The following EFCAB5 variants were observed in gnomAD, a reference collection of about 807,000 sequenced individuals.
The protein encoded by EFCAB5 is EF-hand calcium binding domain 5.
In EFCAB5, 131 loss-of-function variants were observed where a neutral mutation model predicts 167.9. The ratio of observed to expected loss-of-function variants is 0.78; its 90% CI spans 0.68 to 0.90. EFCAB5 has a LOEUF of 0.90. EFCAB5 is among the 40% of genes least tolerant of loss of function. EFCAB5 has a pLI of 0.00. For missense variants in EFCAB5, 1,663 were observed against 1,745.2 expected, an observed-to-expected ratio of 0.95 and a Z score of 0.84; for synonymous variants, 574 against 602.8, an observed-to-expected ratio of 0.95 and a Z score of 0.70.
Position 30,059,613 on chromosome 17 carries a change from T to C in EFCAB5, c.2649T>C (p.Ser883=), listed in dbSNP as rs530563180. The C allele has an allele frequency of 3.1e-6, 5 of 1,612,214 alleles. No individual in the cohort carries two copies. The highest frequency in any genetic ancestry group is 1.3e-5 in the African/African-American group (1 of 75,024). The change falls in exon 14 of 23, where the codon AGT becomes AGC. Residue 883 remains serine (S), a synonymous_variant. Transcript: ENST00000394835. ...AAGCCATCTTTCAGAAGTGGGACAG[T>C]GATGGCTCAGGCTTCCTGGATCTGA... ...LLEAIFQKWD[S]DGSGFLDLKE...
At chr17:29,945,375 CTA>C (rs2151521552) in intron 3 of EFCAB5, among the ~76,000 whole-genome samples, 1 of 151,286 alleles carries the variant, frequency 6.6e-6, no homozygotes, top group East Asian at 1.9e-4. Flanking sequence ...TAATTATTTA[CTA>C]TTTCTTCCTA....
chr17:30,088,304 A>T (rs114867007), intron 19 of EFCAB5, among the ~76,000 whole-genome samples: 2,507 of 152,050 alleles, frequency 0.016, 54 homozygotes, highest in African/African-American at 0.054. Flanking sequence ...TTTTTTTTTA[A>T]GAGACAGGGT....
chr17:30,027,811 G>T (rs945142614), intron 7 of EFCAB5, among the ~76,000 whole-genome samples: 3 of 152,098 alleles, frequency 2.0e-5, no homozygotes, highest in Non-Finnish European at 4.4e-5. Flanking sequence ...TTATTGTGGC[G>T]ACTCTAGCCC....
At chr17:29,947,700 T>C (rs1032079482) in intron 3 of EFCAB5, among the ~76,000 whole-genome samples, 17 of 152,244 alleles carry the variant, frequency 1.1e-4, no homozygotes, top group Non-Finnish European at 2.2e-4. Context: ...CTCTTCTACC[T>C]GTCCCCACCT....
At chr17:30,105,181 C>T (rs1431771011) in intron 22 of EFCAB5, among the ~76,000 whole-genome samples, 1 of 152,042 alleles carries the variant, frequency 6.6e-6, no homozygotes, top group Non-Finnish European at 1.5e-5. Flanking sequence ...GCAGGGTTTC[C>T]AGGAAACTAA....
At chr17:30,076,081 T>C (rs2070862196) in intron 14 of EFCAB5, among the ~76,000 whole-genome samples, 1 of 152,168 alleles carries the variant, frequency 6.6e-6, no homozygotes, top group Admixed American at 6.6e-5. Flanking sequence ...ACAACTAGAT[T>C]TGGGAGTCCA....
chr17:29,944,329 T>A (rs1400994737), intron 3 of EFCAB5, among the ~76,000 whole-genome samples: 1 of 152,102 alleles, frequency 6.6e-6, no homozygotes, highest in East Asian at 1.9e-4. Context: ...GATCCTCCTG[T>A]CTCAGCCTCC....
intron 14 of EFCAB5, chr17:30,065,663 A>AAAAG (rs1348319310): frequency 1.3e-5 from 2 of 152,270 alleles, no homozygotes; most frequent in South Asian, 2.1e-4. Flanking sequence ...TCTGTCTCAA[A>AAAAG]AAAGAAAGAA....
intron 22 of EFCAB5, among the ~76,000 whole-genome samples, chr17:30,094,345 A>C (rs1355563108): frequency 1.3e-5 from 2 of 151,866 alleles, no homozygotes. Context: ...TAAAACTTAC[A>C]GTATAATAAT....
At chr17:30,033,323 C>T (rs2069530011) in intron 7 of EFCAB5, among the ~76,000 whole-genome samples, 1 of 152,086 alleles carries the variant, frequency 6.6e-6, no homozygotes, top group African/African-American at 2.4e-5. Context: ...TGTGATCCGC[C>T]CGCCTCGGCC....
rs1403581742 is a variant in EFCAB5 at position 30,059,632 on chromosome 17, G to A, written c.2668G>A (p.Asp890Asn). The change falls in exon 14 of 23, where the codon GAT becomes AAT. Residue 890 changes from aspartate to asparagine, a missense_variant. Physicochemically the swap from Asp to Asn is conservative, Grantham distance 23. Coordinates refer to ENST00000394835, the MANE Select transcript of EFCAB5 (RefSeq NM_198529.4). ...KWDSDGSGFL[D>N]LKEVDELLYT... Reference sequence around the variant, plus strand: ...GGACAGTGATGGCTCAGGCTTCCTGGATCTGAAGGAAGTTGATGAACTCTT... The same window carrying A: ...GGACAGTGATGGCTCAGGCTTCCTGAATCTGAAGGAAGTTGATGAACTCTT... The A allele has an allele frequency of 1.2e-6, 2 of 1,612,858 alleles. No individual in the cohort carries two copies. Among genetic ancestry groups the A allele is most frequent in the Non-Finnish European group, 1.7e-6 (2 of 1,179,082 alleles).
chr17:30,071,391 A>G (rs2070733545), intron 14 of EFCAB5, among the ~76,000 whole-genome samples: 1 of 150,888 alleles, frequency 6.6e-6, no homozygotes, highest in South Asian at 2.1e-4. Context: ...GCCAACAGGT[A>G]TTTGAAAAAA....
intron 14 of EFCAB5, among the ~76,000 whole-genome samples, chr17:30,064,023 C>T (rs1366178213): frequency 6.6e-6 from 1 of 152,074 alleles, no homozygotes; most frequent in African/African-American, 2.4e-5. Flanking sequence ...TGAAAATCTT[C>T]CTCTATAAAA....
intron 3 of EFCAB5, among the ~76,000 whole-genome samples, chr17:29,953,022 C>T (rs536322495): frequency 8.5e-5 from 13 of 152,164 alleles, no homozygotes; most frequent in South Asian, 4.1e-4. Context: ...TTAAAAATAG[C>T]GAGTTTACCT....
chr17:30,028,051 A>G (rs2069379111), intron 7 of EFCAB5, among the ~76,000 whole-genome samples: 1 of 152,198 alleles, frequency 6.6e-6, no homozygotes, highest in African/African-American at 2.4e-5. Context: ...ATTCTGCTAC[A>G]CGGAGGAACT....
chr17:30,025,323 A>G (rs1040267123), intron 7 of EFCAB5, among the ~76,000 whole-genome samples: 1 of 152,158 alleles, frequency 6.6e-6, no homozygotes, highest in Non-Finnish European at 1.5e-5. Flanking sequence ...AATTTACAAG[A>G]AAAAAACAAA....
At chr17:29,973,902 A>T (rs1215368793) in intron 4 of EFCAB5, among the ~76,000 whole-genome samples, 1 of 151,910 alleles carries the variant, frequency 6.6e-6, no homozygotes. Flanking sequence ...TCAAGCCTGT[A>T]ATCCCAGGAC....
chr17:30,056,158 T>C lies in EFCAB5; in HGVS notation c.2365+2T>C. The C allele has an allele frequency of 6.2e-7, 1 of 1,604,580 alleles. No homozygotes were observed. ...TCTATGGTAACTCCAGGTTCACAGG[T>C]ACATGTTAACAATGAAAGTAGGAAT... On this transcript the variant is annotated splice_donor_variant, in intron 12 of 22. Coordinates refer to ENST00000394835, the MANE Select transcript of EFCAB5 (RefSeq NM_198529.4). LOFTEE classifies it high-confidence loss of function.
At chr17:30,025,938 A>G (rs1363801921) in intron 7 of EFCAB5, among the ~76,000 whole-genome samples, 1 of 151,308 alleles carries the variant, frequency 6.6e-6, no homozygotes, top group African/African-American at 2.4e-5. Context: ...CAAACACCAC[A>G]TGTTCTCACT....
Sources: allele counts gnomAD v4.1 joint callset (sites outside exome capture counted in the v4.1 genomes callset), GRCh38; gene constraint gnomAD v4.1.1; transcripts MANE v1.5; gene names NCBI Gene and HGNC (gene_info 2026-07-23, HGNC 2026-07-21).